STAB2: variants seen among roughly 807,000 people sequenced by gnomAD.
STAB2 encodes stabilin 2, also known as stabilin-2.
STAB2 carries 288 observed loss-of-function variants against 338.1 expected under a neutral mutation model. The ratio of observed to expected loss-of-function variants is 0.85; its 90% confidence interval spans 0.77 to 0.94. STAB2 has a LOEUF of 0.94. Among genes scored for constraint, STAB2 ranks in the 40% least tolerant of loss-of-function variants. The pLI is 0.00. For synonymous variants in STAB2, 1,202 were observed against 1,193.3 expected, an observed-to-expected ratio of 1.01 and a Z score of -0.15; for missense variants, 3,141 against 3,210.1, an observed-to-expected ratio of 0.98 and a Z score of 0.52.
intron 5 of STAB2, among the ~76,000 whole-genome samples, chr12:103,626,912 C>T (rs555122518): frequency 6.6e-6 from 1 of 152,324 alleles, no homozygotes; most frequent in South Asian, 2.1e-4. Flanking sequence ...TCAGTGCCTC[C>T]TTCCCAGCTA....
chr12:103,683,356 G>GAGAA, intron 26 of STAB2, 56 bp downstream of exon 26: 1 of 1,370,352 alleles, frequency 7.3e-7, no homozygotes, highest in African/African-American at 1.5e-5. Flanking sequence ...AACAATGCTT[G>GAGAA]AGAAAGAAAG....
chr12:103,751,669 G>A (rs1329678556), intron 60 of STAB2, among the ~76,000 whole-genome samples: 1 of 152,186 alleles, frequency 6.6e-6, no homozygotes, highest in Non-Finnish European at 1.5e-5. Context: ...CCCTGGGACT[G>A]TGAAGTCAAG....
Position 103,702,521 on chromosome 12 carries a change from G to A in STAB2, c.3715-627G>A, listed in dbSNP as rs958573966. On this transcript the variant is annotated intron_variant, in intron 34 of 68. Coordinates refer to ENST00000388887, the MANE Select transcript of STAB2 (RefSeq NM_017564.10). ...TCACCTTGTTAGCCAGGATGGTCTC[G>A]ATCTCCTGACCTCATGATCCACCCG... 6.6e-5 allele frequency among the ~76,000 whole-genome samples: 10 copies of A among 151,614 alleles called. No individual in the cohort carries two copies. In the East Asian group the frequency reaches 7.7e-4, roughly 12 times the overall value.
intron 44 of STAB2, among the ~76,000 whole-genome samples, chr12:103,718,431 G>T (rs1880502985): frequency 6.6e-6 from 1 of 152,154 alleles, no homozygotes; most frequent in Non-Finnish European, 1.5e-5. Context: ...TCTGCATTGA[G>T]CAGGGGTTCA....
At chr12:103,653,813 T>G (rs1322660135) in intron 12 of STAB2, among the ~76,000 whole-genome samples, 2 of 145,738 alleles carry the variant, frequency 1.4e-5, no homozygotes, top group Non-Finnish European at 3.0e-5. Context: ...GATGGATGGG[T>G]AGATACATGG....
chr12:103,653,859 GA>G (rs1873969630), intron 12 of STAB2, among the ~76,000 whole-genome samples: 2 of 151,012 alleles, frequency 1.3e-5, no homozygotes, highest in Non-Finnish European at 3.0e-5. Context: ...TGGATGGATG[GA>G]TGGATGGATG....
rs561335135 is a variant in STAB2 at position 103,669,763 on chromosome 12, G to T, written c.2259+136G>T. ...TGACCCCTTACTAAAAGAACAGCAG[G>T]TGTCTGCAGTAGAAGGATCTGGGTC... On this transcript the variant is annotated intron_variant, in intron 21 of 68. Coordinates refer to ENST00000388887, the MANE Select transcript of STAB2 (RefSeq NM_017564.10). The T allele has an allele frequency of 2.0e-4, 140 of 706,352 alleles. No homozygotes were observed. In the African/African-American group the frequency reaches 2.4e-3, roughly 12 times the overall value. 43.8% of individuals were successfully genotyped at this position (706,352 alleles called of 1,614,324 possible).
intron 11 of STAB2, among the ~76,000 whole-genome samples, chr12:103,650,999 A>G (rs997473624): frequency 2.0e-5 from 3 of 152,360 alleles, no homozygotes; most frequent in East Asian, 3.9e-4. Context: ...GGTTTTTTAA[A>G]TCATTATAAA....
intron 25 of STAB2, among the ~76,000 whole-genome samples, chr12:103,681,968 A>G (rs1457536184): frequency 1.3e-5 from 2 of 152,100 alleles, no homozygotes; most frequent in Non-Finnish European, 2.9e-5. Flanking sequence ...AACTAATTAT[A>G]TCGTATCAAC....
chr12:103,675,579 G>C (rs184426284), intron 23 of STAB2, among the ~76,000 whole-genome samples: 13 of 152,378 alleles, frequency 8.5e-5, no homozygotes, highest in African/African-American at 3.1e-4. Context: ...TGAGATTTAT[G>C]ATCTGCAAGC....
At chr12:103,763,331 G>T in intron 67 of STAB2, 161 bp from the exon 68 acceptor site, 1 of 649,568 alleles carries the variant, frequency 1.5e-6, no homozygotes. Context: ...TGAATCTAAA[G>T]GTTGGTAAAT....
At chr12:103,727,119 G>A in intron 46 of STAB2, 148 bp from the exon 47 acceptor site, 1 of 737,180 alleles carries the variant, frequency 1.4e-6, no homozygotes, top group Non-Finnish European at 2.4e-6. Flanking sequence ...CGGAGAATCT[G>A]GGTTTCATTT....
chr12:103,743,626 C>G (rs1332981243), intron 56 of STAB2, among the ~76,000 whole-genome samples: 1 of 152,180 alleles, frequency 6.6e-6, no homozygotes, highest in East Asian at 1.9e-4. Flanking sequence ...GTATGGTAGC[C>G]ACTAGGCACA....
At chr12:103,764,142 A>C (rs1884743136) in intron 68 of STAB2, among the ~76,000 whole-genome samples, 1 of 152,100 alleles carries the variant, frequency 6.6e-6, no homozygotes, top group Non-Finnish European at 1.5e-5. Context: ...TAATACAGAC[A>C]GGGTTTCTCC....
At chr12:103,762,204 C>T (rs1884587388) in intron 66 of STAB2, 70 bp from the exon 67 acceptor site, 4 of 1,589,658 alleles carry the variant, frequency 2.5e-6, no homozygotes, top group Non-Finnish European at 3.4e-6. Context: ...ATGCCTCGGG[C>T]CACCAAGGGT....
chr12:103,626,292 A>G lies in STAB2; in HGVS notation c.487+4181A>G, dbSNP rs143186255. Among the ~76,000 whole-genome samples the G allele has an allele frequency of 4.9e-3, 741 of 152,356 alleles. 6 individuals carry two copies. Among genetic ancestry groups the G allele is most frequent in the African/African-American group, 0.017 (703 of 41,580 alleles). On this transcript the variant is annotated intron_variant, in intron 5 of 68. Coordinates refer to ENST00000388887, the MANE Select transcript of STAB2 (RefSeq NM_017564.10). ...ACTTAATATCATTTAATTCAAATTT[A>G]AATAGCCACATGTGGCTCGTGGCTA...
chr12:103,658,316 G>A (rs1372497997), intron 15 of STAB2, among the ~76,000 whole-genome samples: 1 of 152,150 alleles, frequency 6.6e-6, no homozygotes, highest in Non-Finnish European at 1.5e-5. Flanking sequence ...CGCACCAAAA[G>A]GCTCTTCAAC....
rs1468935453 is a variant in STAB2, at chr12:103,712,396, C to T, written c.4364C>T (p.Ser1455Leu). ...CTCACCAACTCAGATGGTACAGCTTCATGCAAGTGTGCAGCAGGATTCCAA... is the reference window on the plus strand; with the variant it reads ...CTCACCAACTCAGATGGTACAGCTTTATGCAAGTGTGCAGCAGGATTCCAA... ...NCLTNSDGTA[S>L]CKCAAGFQGN... The change falls in exon 41 of 69, where the codon TCA (serine) becomes TTA (leucine). Residue 1455 changes from serine (S) to leucine (L), a missense_variant. Physicochemically the swap from Ser to Leu is moderately radical, Grantham distance 145. Transcript: ENST00000388887. 1.2e-6 allele frequency: 2 copies of T among 1,614,124 alleles called. No homozygotes were observed. The highest frequency in any genetic ancestry group is 3.3e-5 in the Admixed American group (2 of 60,020).
chr12:103,600,806 C>G (rs1956942916), intron 3 of STAB2, among the ~76,000 whole-genome samples: 1 of 77,032 alleles, frequency 1.3e-5, no homozygotes, highest in South Asian at 4.3e-4. Flanking sequence ...CAGCATATGC[C>G]TTCACCCTTT....
Sources: gnomAD v4.1 joint callset for allele counts (sites outside exome capture counted in the v4.1 genomes callset) on GRCh38, gnomAD v4.1.1 for gene constraint, MANE v1.5 for transcripts, NCBI Gene and HGNC (gene_info 2026-07-23, HGNC 2026-07-21) for gene names.